GRM4: variants seen among roughly 807,000 people sequenced by gnomAD.
GRM4 encodes glutamate metabotropic receptor 4, also known as metabotropic glutamate receptor 4.
Under a neutral mutation model 81.7 loss-of-function variants are expected in GRM4, and 28 were observed. The ratio of observed to expected loss-of-function variants is 0.34; its 90% confidence interval spans 0.25 to 0.47. GRM4 has a LOEUF of 0.47. Ranked by LOEUF, GRM4 falls within the 20% of genes least tolerant of loss-of-function variation. The pLI, the probability that GRM4 is intolerant of heterozygous loss-of-function variation, is 1.00. For synonymous variants in GRM4, 488 were observed against 528.8 expected, an observed-to-expected ratio of 0.92 and a Z score of 1.06; for missense variants, 948 against 1,290.0, an observed-to-expected ratio of 0.73 and a Z score of 4.06.
chr6:34,026,919 G>A (rs536977603), intron 10 of GRM4, among the ~76,000 whole-genome samples: 15 of 152,362 alleles, frequency 9.8e-5, no homozygotes, highest in African/African-American at 3.1e-4. Context: ...ACCTGGGAAG[G>A]AAGGTCTCCA....
Position 34,028,283 on chromosome 6 carries a change from G to C in GRM4, c.2526C>G (p.Val842=), listed in dbSNP as rs747099550. The C allele has an allele frequency of 6.2e-7, 1 of 1,614,002 alleles. No homozygotes were observed. The highest frequency in any genetic ancestry group is 8.5e-7 in the Non-Finnish European group (1 of 1,180,014). The change falls in exon 10 of 11, where the codon GTC becomes GTG. Residue 842 remains valine, a synonymous_variant. Coordinates refer to ENST00000538487, the MANE Select transcript of GRM4 (RefSeq NM_000841.4). ...VSLGMLYMPK[V]YIILFHPEQN... ...GCTCCGGGTGGAAGAGGATGATGTA[G>C]ACTTTGGGCATGTAGAGCATTCCCA... is the stretch of plus-strand genomic sequence containing the variant.
In GRM4 at chr6:34,036,514, T is replaced by C; in HGVS notation, c.1596A>G (p.Thr532=). The C allele has an allele frequency of 6.2e-7, 1 of 1,612,344 alleles. No homozygotes were observed. Among genetic ancestry groups the C allele is most frequent in the Non-Finnish European group, 8.5e-7 (1 of 1,179,310 alleles). The part of the protein sequence containing the change: ...LPCQPGERKK[T]VKGMPCCWHC... ...GCCAGCAGCAAGGCATGCCCTTCAC[T>C]GTCTTCTTCCGCTCACCCGGTTGGC... Residue 532 remains threonine, a synonymous_variant, in exon 9 of 11, where the codon ACA becomes ACG. Coordinates refer to ENST00000538487, the MANE Select transcript of GRM4 (RefSeq NM_000841.4). This position sits in a 1 kb window ranked among gnomAD's most constrained non-coding sequence, Gnocchi z 9.0.
rs766905016 is a variant in GRM4, at chr6:34,133,545, G to A, written c.-49C>T. On this transcript the variant is annotated 5_prime_UTR_variant, in exon 2 of 11. The change creates a premature stop within an existing upstream ORF in the 5' untranslated region. Coordinates refer to ENST00000538487, the MANE Select transcript of GRM4 (RefSeq NM_000841.4). This position sits in a 1 kb window ranked among gnomAD's most constrained non-coding sequence, Gnocchi z 6.5. ...GAACGGCAGGCCCACTCCTAGCCCT[G>A]GCAGGCCCCTGGCCCCACGGCCTGG... The A allele has an allele frequency of 2.0e-6, 3 of 1,506,560 alleles. No homozygotes were observed. Among genetic ancestry groups the A allele is most frequent in the Non-Finnish European group, 2.6e-6 (3 of 1,133,802 alleles). 93.3% of individuals were successfully genotyped at this position (1,506,560 alleles called of 1,614,324 possible).
chr6:34,138,272 A>C (rs34920833), intron 1 of GRM4, among the ~76,000 whole-genome samples: 106 of 152,286 alleles, frequency 7.0e-4, no homozygotes, highest in Admixed American at 1.9e-3. Flanking sequence ...TTCAGCAAAA[A>C]GAGCCAGGCC....
chr6:34,132,791 G>A lies in GRM4; in HGVS notation c.519+187C>T, dbSNP rs3734360. Among the ~76,000 whole-genome samples, 126 of 152,330 alleles carry A rather than the reference G, an allele frequency of 8.3e-4. 1 individual carries two copies. Among genetic ancestry groups the A allele is most frequent in the East Asian group, 6.4e-3 (33 of 5,182 alleles). The stretch of plus-strand genomic sequence containing the variant: ...TGCTGTGCCTGTGCTGAGACCACAA[G>A]ACAACATACTGAAACCAGGAAGAGC... On this transcript the variant is annotated intron_variant, in intron 2 of 10. Transcript: ENST00000538487.
Position 34,068,552 on chromosome 6 carries a change from C to T in GRM4, c.737-6524G>A, listed in dbSNP as rs1466566749. 6.6e-6 allele frequency among the ~76,000 whole-genome samples: 1 copy of T among 152,046 alleles called. No homozygotes were observed. Among genetic ancestry groups the T allele is most frequent in the Non-Finnish European group, 1.5e-5 (1 of 67,996 alleles). On this transcript the variant is annotated intron_variant, in intron 3 of 10. Coordinates refer to ENST00000538487, the MANE Select transcript of GRM4 (RefSeq NM_000841.4). This position sits in a 1 kb window ranked among gnomAD's most constrained non-coding sequence, Gnocchi z 4.2. ...CCCCACCCCACCTGTCTCAAAAAGT[C>T]CCCCCTCCATCCTGCAAGGCCAGCC... is the stretch of plus-strand genomic sequence containing the variant.
At chr6:34,033,802 A>G (rs540440882) in intron 9 of GRM4, among the ~76,000 whole-genome samples, 1 of 151,828 alleles carries the variant, frequency 6.6e-6, no homozygotes, top group African/African-American at 2.4e-5. Context: ...CAGTGTCACA[A>G]TCTCAGCTCA....
intron 10 of GRM4, 130 bp downstream of exon 10, chr6:34,027,990 G>A: frequency 9.6e-7 from 1 of 1,042,700 alleles, no homozygotes; most frequent in Non-Finnish European, 1.4e-6. Flanking sequence ...TTCCCCCAGT[G>A]TCCCCCGCCG....
chr6:34,028,417 C>A, intron 9 of GRM4, 51 bp from the exon 10 acceptor site: 1 of 1,570,830 alleles, frequency 6.4e-7, no homozygotes, highest in Non-Finnish European at 8.6e-7. Flanking sequence ...GACTGAGGGC[C>A]CTGACTCCCG....
At chr6:34,066,562 A>G (rs902542168) in intron 3 of GRM4, among the ~76,000 whole-genome samples, 2 of 151,582 alleles carry the variant, frequency 1.3e-5, no homozygotes, top group East Asian at 3.9e-4. Context: ...TTTTCATCAC[A>G]CTCTTCCCCA....
At chr6:34,077,010 A>G (rs1379767400) in intron 3 of GRM4, among the ~76,000 whole-genome samples, 1 of 147,298 alleles carries the variant, frequency 6.8e-6, no homozygotes, top group Non-Finnish European at 1.5e-5. Context: ...CTCTTCCTGT[A>G]TGCTGGAGCT....
At chr6:34,110,710 T>C in intron 2 of GRM4, 1 of 1,521,096 alleles carries the variant, frequency 6.6e-7, no homozygotes, top group East Asian at 2.5e-5. Flanking sequence ...GCCTCCCCGC[T>C]GTGCCGGGGT....
chr6:34,071,106 C>T (rs1766799352), intron 3 of GRM4, among the ~76,000 whole-genome samples: 2 of 151,816 alleles, frequency 1.3e-5, no homozygotes, highest in South Asian at 4.2e-4. Context: ...CATACACACC[C>T]ACAAACCCGG....
intron 3 of GRM4, chr6:34,062,976 C>T (rs1006271809): frequency 6.6e-6 from 1 of 152,242 alleles, no homozygotes; most frequent in Non-Finnish European, 1.5e-5. Flanking sequence ...ACACAGTTAC[C>T]TGCCCTACTG....
At chr6:34,154,459 G>A (rs1461370692) in intron 1 of GRM4, among the ~76,000 whole-genome samples, 1 of 152,212 alleles carries the variant, frequency 6.6e-6, no homozygotes, top group East Asian at 1.9e-4. Flanking sequence ...TCCCAGACCG[G>A]AAGGAATGTG....
At chr6:34,149,526 G>A (rs1771004897), upstream of GRM4, among the ~76,000 whole-genome samples, 1 of 152,224 alleles carries the variant, frequency 6.6e-6, no homozygotes, top group Non-Finnish European at 1.5e-5. Context: ...CATGGGCTGA[G>A]GTCAAGGGGC....
intron 10 of GRM4, among the ~76,000 whole-genome samples, 188 bp downstream of exon 10, chr6:34,027,932 G>A (rs1261754515): frequency 2.0e-5 from 3 of 152,184 alleles, no homozygotes; most frequent in Admixed American, 1.3e-4. Context: ...CTAATGTGGT[G>A]CCTCAGGGCT....
chr6:34,146,754 G>A (rs1026831490), upstream of GRM4, among the ~76,000 whole-genome samples: 1 of 152,228 alleles, frequency 6.6e-6, no homozygotes, highest in Non-Finnish European at 1.5e-5. Flanking sequence ...GACCTGCCAA[G>A]TGCTACCTTG....
rs1768265327 is a variant in GRM4 at position 34,092,136 on chromosome 6, G to C, written c.520-37C>G. 1 of 1,411,896 alleles carries C rather than the reference G, an allele frequency of 7.1e-7. No individual in the cohort carries two copies. The highest frequency in any genetic ancestry group is 1.7e-5 in the Admixed American group (1 of 57,788). 87.5% of individuals were successfully genotyped at this position (1,411,896 alleles called of 1,614,324 possible). ...GAGGGGCTGCTGAGGGTGGCGACTG[G>C]CTCCCCACCCTGCCTAGCCAGCCCC... On this transcript the variant is annotated intron_variant, in intron 2 of 10. Transcript: ENST00000538487. This position sits in a 1 kb window ranked among gnomAD's most constrained non-coding sequence, Gnocchi z 6.8.
Sources: allele counts gnomAD v4.1 joint callset (sites outside exome capture counted in the v4.1 genomes callset), GRCh38; gene constraint gnomAD v4.1.1; non-coding constraint Gnocchi (gnomAD v3.1); transcripts MANE v1.5; gene names NCBI Gene and HGNC (gene_info 2026-07-23, HGNC 2026-07-21).